Variants in AGR2 observed in about 807,000 individuals in gnomAD.
AGR2 encodes the protein anterior gradient 2, protein disulphide isomerase family member, also known as anterior gradient protein 2 homolog.
AGR2 carries 27 observed loss-of-function variants against 25.9 expected under a neutral mutation model. That is an observed-to-expected ratio of 1.04 (90% CI 0.77 to 1.44). The LOEUF is 1.44. Among genes scored for constraint, AGR2 ranks in the 40% most tolerant of loss-of-function variants. The pLI is 0.00. For missense variants in AGR2, 182 were observed against 200.9 expected (o/e 0.91, Z 0.57); for synonymous variants, 78 against 72.0 (o/e 1.08, Z -0.42).
intron 5 of AGR2, among the ~76,000 whole-genome samples, chr7:16,798,395 G>A (rs772508609): frequency 6.6e-6 from 1 of 152,214 alleles, no homozygotes; most frequent in Non-Finnish European, 1.5e-5. Context: ...CTATGGCCAA[G>A]TGCTGGGGAA....
Position 16,792,819 on chromosome 7 carries a change from A to G in AGR2, c.*89T>C, listed in dbSNP as rs564805090. 37 of 1,106,068 alleles carry G rather than the reference A, an allele frequency of 3.3e-5. No homozygotes were observed. In the East Asian group the frequency reaches 8.2e-4, roughly 25 times the overall value. The allele number at this position is 1,106,068 out of a possible 1,614,324, so 68.5% of individuals were successfully genotyped here. On this transcript the variant is annotated 3_prime_UTR_variant, in exon 8 of 8. Transcript: ENST00000419304. ...CCATAACCTAATCAGTGTGTTCACT[A>G]TGCTTCCACACTAGCCAGTCTTCTC...
intron 7 of AGR2, among the ~76,000 whole-genome samples, 174 bp from the exon 8 acceptor site, chr7:16,793,131 C>A (rs981941867): frequency 6.6e-6 from 1 of 152,156 alleles, no homozygotes; most frequent in Non-Finnish European, 1.5e-5. Context: ...TCAGTGCAAC[C>A]TCTGCCTCCT....
At chr7:16,801,087 A>G in intron 4 of AGR2, 64 bp downstream of exon 4, 1 of 1,328,278 alleles carries the variant, frequency 7.5e-7, no homozygotes, top group Non-Finnish European at 1.1e-6. Context: ...AACATGAGTG[A>G]TCTGAACCCT....
At chr7:16,800,145 A>G (rs1310105393) in intron 4 of AGR2, among the ~76,000 whole-genome samples, 1 of 152,256 alleles carries the variant, frequency 6.6e-6, no homozygotes, top group African/African-American at 2.4e-5. Flanking sequence ...CACAGAGCTC[A>G]CATACTTGTG....
intron 1 of AGR2, 42 bp from the exon 2 acceptor site, chr7:16,801,845 C>T (rs193250771): frequency 1.3e-4 from 205 of 1,574,216 alleles, no homozygotes; most frequent in Non-Finnish European, 1.6e-4. Flanking sequence ...CAAAATTGAA[C>T]TAGCAGTCTT....
At chr7:16,794,089 T>C (rs965933816) in intron 7 of AGR2, among the ~76,000 whole-genome samples, 1 of 152,220 alleles carries the variant, frequency 6.6e-6, no homozygotes, top group African/African-American at 2.4e-5. Context: ...TGATCTCTCC[T>C]GCTTCCTAGA....
chr7:16,797,299 T>G (rs945887840), intron 6 of AGR2, among the ~76,000 whole-genome samples: 1 of 152,196 alleles, frequency 6.6e-6, no homozygotes. Context: ...TTTGCTGGAT[T>G]AAAAAATAAA....
chr7:16,793,195 T>C (rs1183206137), intron 7 of AGR2, among the ~76,000 whole-genome samples: 5 of 152,062 alleles, frequency 3.3e-5, no homozygotes, highest in African/African-American at 9.7e-5. Context: ...ATTAGAGGTG[T>C]GCTCCACCAT....
At chr7:16,803,731 T>C (rs970492468) in intron 1 of AGR2, among the ~76,000 whole-genome samples, 10 of 152,216 alleles carry the variant, frequency 6.6e-5, no homozygotes, top group South Asian at 2.1e-4. Context: ...ACAACCTAAG[T>C]GTTCACTGTA....
rs111350218 is a variant in AGR2 at position 16,798,888 on chromosome 7, T to C, written c.330+856A>G. On this transcript the variant is annotated intron_variant, in intron 5 of 7. Transcript: ENST00000419304. ...GATGATTAATGTGCAGTGAGGAACA[T>C]ACTGAGTTTAAGCTGATTATGAGAT... 3.8e-3 allele frequency among the ~76,000 whole-genome samples: 579 copies of C among 152,312 alleles called. 4 individuals carry two copies. Among genetic ancestry groups the C allele is most frequent in the African/African-American group, 0.013 (549 of 41,566 alleles).
intron 6 of AGR2, among the ~76,000 whole-genome samples, chr7:16,795,318 G>GTTTT (rs76582218): frequency 2.2e-5 from 3 of 139,160 alleles, no homozygotes; most frequent in African/African-American, 7.8e-5. Context: ...GTGACATGGT[G>GTTTT]TTTTTTTTTT....
At chr7:16,798,535 C>A (rs1287207201) in intron 5 of AGR2, among the ~76,000 whole-genome samples, 1 of 152,132 alleles carries the variant, frequency 6.6e-6, no homozygotes, top group Non-Finnish European at 1.5e-5. Flanking sequence ...AGTTAAGAAC[C>A]ACTGGAGGGA....
At chr7:16,799,696 A>G (rs1375130253) in intron 5 of AGR2, 48 bp downstream of exon 5, 2 of 1,365,138 alleles carry the variant, frequency 1.5e-6, no homozygotes, top group Non-Finnish European at 2.1e-6. Context: ...ATCCATTTCA[A>G]GTAATGAGCC....
At chr7:16,794,719 T>C in intron 7 of AGR2, 1 of 1,274,912 alleles carries the variant, frequency 7.8e-7, no homozygotes, top group Non-Finnish European at 1.1e-6. Flanking sequence ...ATACCTAATC[T>C]AAATAATTCA....
chr7:16,797,830 C>A (rs2280655), intron 5 of AGR2, 136 bp from the exon 6 acceptor site: 4 of 641,620 alleles, frequency 6.2e-6, no homozygotes, highest in Non-Finnish European at 1.1e-5. Flanking sequence ...GTTTATTGTA[C>A]AGATGAGGAG....
chr7:16,801,316 T>A lies in AGR2; in HGVS notation c.203+4A>T. The A allele has an allele frequency of 6.2e-7, 1 of 1,613,636 alleles. No individual in the cohort carries two copies. Among genetic ancestry groups the A allele is most frequent in the Non-Finnish European group, 8.5e-7 (1 of 1,179,722 alleles). On this transcript the variant is annotated splice_donor_region_variant and intron_variant, in intron 3 of 7. Transcript: ENST00000419304. ...AGGGAGCTCTGAGTAATCCTGATCT[T>A]TACCTTGTCTTGGATTTATATAGAG...
At chr7:16,802,570 G>T (rs1461114132) in intron 1 of AGR2, among the ~76,000 whole-genome samples, 1 of 152,180 alleles carries the variant, frequency 6.6e-6, no homozygotes, top group Non-Finnish European at 1.5e-5. Flanking sequence ...TGGTTATATG[G>T]ATACTTGAAA....
At chr7:16,793,916 G>A (rs574674638) in intron 7 of AGR2, among the ~76,000 whole-genome samples, 9 of 152,326 alleles carry the variant, frequency 5.9e-5, no homozygotes, top group African/African-American at 2.2e-4. Context: ...ATTATTAAGT[G>A]CCTGTTCTAC....
chr7:16,791,960 T>A lies in AGR2; in HGVS notation c.*948A>T, dbSNP rs1201425790. 1 of 152,166 alleles carries A rather than the reference T, an allele frequency of 6.6e-6. No homozygotes were observed. The highest frequency in any genetic ancestry group is 1.5e-5 in the Non-Finnish European group (1 of 68,080). 9.4% of individuals were successfully genotyped at this position (152,166 alleles called of 1,614,324 possible). On this transcript the variant is annotated 3_prime_UTR_variant, in exon 8 of 8. Transcript: ENST00000419304. ...TTCCATATATTAATGAATGTGAGAT[T>A]AAGTATAGAGTGAAGACATTAACAC... is the stretch of plus-strand genomic sequence containing the variant.
Sources: allele counts gnomAD v4.1 joint callset (sites outside exome capture counted in the v4.1 genomes callset), GRCh38; gene constraint gnomAD v4.1.1; transcripts MANE v1.5; gene names NCBI Gene and HGNC (gene_info 2026-07-23, HGNC 2026-07-21).